Variants in FAM227B observed in about 807,000 individuals in gnomAD.
The protein encoded by FAM227B is family with sequence similarity 227 member B.
Under a neutral mutation model 73.8 loss-of-function variants are expected in FAM227B, and 88 were observed. That is an observed-to-expected ratio of 1.19 (90% CI 1.00 to 1.42). The LOEUF is 1.42. Among genes scored for constraint, FAM227B ranks in the 40% most tolerant of loss-of-function variants. FAM227B has a pLI of 0.00. For missense variants in FAM227B, 632 were observed against 590.9 expected, an observed-to-expected ratio of 1.07 and a Z score of -0.72; for synonymous variants, 210 against 190.5, an observed-to-expected ratio of 1.10 and a Z score of -0.84.
chr15:49,471,283 G>A (rs7167883), intron 11 of FAM227B, among the ~76,000 whole-genome samples: 49,075 of 151,330 alleles, frequency 0.32, 8,681 homozygotes, highest in African/African-American at 0.45. Flanking sequence ...TCAGGAGTTC[G>A]AGACTAGCCT....
At chr15:49,551,415 T>C (rs1306021487) in intron 9 of FAM227B, among the ~76,000 whole-genome samples, 1 of 152,256 alleles carries the variant, frequency 6.6e-6, no homozygotes, top group Non-Finnish European at 1.5e-5. Context: ...GATACAAGTA[T>C]AGCAATTCCT....
chr15:49,581,190 T>C (rs1171623378), intron 5 of FAM227B, among the ~76,000 whole-genome samples: 1 of 152,018 alleles, frequency 6.6e-6, no homozygotes, highest in African/African-American at 2.4e-5. Flanking sequence ...TTCTCCAAGG[T>C]TGACACGAAA....
intron 14 of FAM227B, among the ~76,000 whole-genome samples, chr15:49,332,059 A>C (rs1222541160): frequency 6.6e-6 from 1 of 150,736 alleles, no homozygotes; most frequent in Admixed American, 6.7e-5. Context: ...AGGTTCAGAC[A>C]CCCACCCCCG....
chr15:49,412,625 C>T (rs1461965324), intron 11 of FAM227B, among the ~76,000 whole-genome samples: 1 of 151,902 alleles, frequency 6.6e-6, no homozygotes, highest in Non-Finnish European at 1.5e-5. Flanking sequence ...TAGGTTTTCA[C>T]AATAACGTCC....
chr15:49,479,232 G>C lies in FAM227B; in HGVS notation c.1012+28979C>G, dbSNP rs2055654152. On this transcript the variant is annotated intron_variant, in intron 11 of 15. Coordinates refer to ENST00000299338, the MANE Select transcript of FAM227B (RefSeq NM_152647.3). ...ATTGCCTGGTTTTTCATGTTCTATT[G>C]CATGAGCTGATTCTCTCTCTCTTTT... Among the ~76,000 whole-genome samples, 3 of 146,230 alleles carry C rather than the reference G, an allele frequency of 2.1e-5. No individual in the cohort carries two copies. In the South Asian group the frequency reaches 6.6e-4, roughly 32 times the overall value.
At chr15:49,599,532 G>A (rs184598413) in intron 3 of FAM227B, among the ~76,000 whole-genome samples, 1 of 152,082 alleles carries the variant, frequency 6.6e-6, no homozygotes, top group Non-Finnish European at 1.5e-5. Context: ...AAGTTAGATT[G>A]TTTATCTGAG....
At chr15:49,519,271 A>G (rs1293085510) in intron 10 of FAM227B, among the ~76,000 whole-genome samples, 3 of 152,118 alleles carry the variant, frequency 2.0e-5, no homozygotes, top group African/African-American at 7.2e-5. Flanking sequence ...TGGCTTTTAC[A>G]GGCACATGGT....
intron 13 of FAM227B, among the ~76,000 whole-genome samples, chr15:49,362,659 CA>C (rs1298810193): frequency 2.0e-5 from 3 of 152,154 alleles, no homozygotes; most frequent in Admixed American, 1.3e-4. Context: ...GTTTTTCTTG[CA>C]ATTGCTTTTG....
At chr15:49,523,905 T>C (rs1949293738) in intron 10 of FAM227B, among the ~76,000 whole-genome samples, 1 of 152,118 alleles carries the variant, frequency 6.6e-6, no homozygotes. Flanking sequence ...AACTTCGAAC[T>C]TGAGAGAGAT....
chr15:49,576,593 ACACATCAC>A, intron 7 of FAM227B, 140 bp downstream of exon 7: 1 of 595,468 alleles, frequency 1.7e-6, no homozygotes, highest in South Asian at 2.1e-5. Context: ...TAGCGGTTAG[ACACATCAC>A]TGGTCTTTCC....
chr15:49,396,693 AC>A (rs1450829214), intron 11 of FAM227B, among the ~76,000 whole-genome samples: 7 of 150,702 alleles, frequency 4.6e-5, no homozygotes, highest in East Asian at 1.9e-4. Flanking sequence ...CTGACCCCTG[AC>A]CCCCGAGCAG....
chr15:49,559,027 G>A (rs1295152143), intron 9 of FAM227B, among the ~76,000 whole-genome samples: 2 of 151,446 alleles, frequency 1.3e-5, no homozygotes, highest in Non-Finnish European at 2.9e-5. Context: ...ATTAAATTAT[G>A]CCCTGAAACC....
intron 15 of FAM227B, chr15:49,330,773 A>G (rs1596200582): frequency 6.6e-6 from 1 of 151,760 alleles, no homozygotes; most frequent in African/African-American, 2.4e-5. Context: ...GAAAGAATGA[A>G]TATTTTTGTG....
At chr15:49,406,194 G>A (rs564925898) in intron 11 of FAM227B, among the ~76,000 whole-genome samples, 69 of 152,266 alleles carry the variant, frequency 4.5e-4, no homozygotes, top group Non-Finnish European at 9.0e-4. Context: ...TTTTCATAGC[G>A]CAGTGACAGC....
rs1407245549 is a variant in FAM227B at position 49,615,103 on chromosome 15, C to A, written c.51+18G>T. 6.2e-7 allele frequency: 1 copy of A among 1,609,758 alleles called. No homozygotes were observed. Among genetic ancestry groups the A allele is most frequent in the African/African-American group, 1.3e-5 (1 of 74,848 alleles). ...ATAACCTTTGTAAGTGAACATAAAG[C>A]TGTGGAAGCTTCCTTACCCCGGGGC... On this transcript the variant is annotated intron_variant, in intron 2 of 15. Coordinates refer to ENST00000299338, the MANE Select transcript of FAM227B (RefSeq NM_152647.3).
intron 13 of FAM227B, among the ~76,000 whole-genome samples, chr15:49,340,313 T>C (rs986421824): frequency 2.6e-5 from 4 of 152,004 alleles, no homozygotes; most frequent in Non-Finnish European, 4.4e-5. Flanking sequence ...GTATCTGGGC[T>C]GGAGTACACG....
intron 1 of FAM227B, among the ~76,000 whole-genome samples, chr15:49,618,627 G>T (rs777397012): frequency 3.3e-5 from 5 of 152,214 alleles, no homozygotes; most frequent in Non-Finnish European, 5.9e-5. Context: ...GAAGGGACAA[G>T]AAGAGTGTAT....
intron 11 of FAM227B, among the ~76,000 whole-genome samples, chr15:49,453,817 A>C (rs936670710): frequency 6.6e-6 from 1 of 152,088 alleles, no homozygotes. Flanking sequence ...TTCCCAATTG[A>C]ATTCAGGATC....
Position 49,489,841 on chromosome 15 carries a change from T to A in FAM227B, c.1012+18370A>T, listed in dbSNP as rs867592319. 3.2e-3 allele frequency among the ~76,000 whole-genome samples: 73 copies of A among 22,996 alleles called. 4 individuals carry two copies. Among genetic ancestry groups the A allele is most frequent in the Admixed American group, 0.013 (17 of 1,288 alleles). The allele number at this position is 22,996 out of a possible 152,430, so 15.1% of individuals were successfully genotyped here. A position where few individuals can be genotyped will look rare whatever the true frequency, so the allele number is the denominator to read the frequency against. On this transcript the variant is annotated intron_variant, in intron 11 of 15. Transcript: ENST00000299338. ...TATATTTTATATATATATATATATTTTATATATATATATATATTTTATATA... is the reference window on the plus strand; with the variant it reads ...TATATTTTATATATATATATATATTATATATATATATATATATTTTATATA...
Sources: allele counts gnomAD v4.1 joint callset (sites outside exome capture counted in the v4.1 genomes callset), GRCh38; gene constraint gnomAD v4.1.1; transcripts MANE v1.5; gene names NCBI Gene and HGNC (gene_info 2026-07-23, HGNC 2026-07-21).